The following ST7 variants were observed in gnomAD, a reference collection of about 807,000 sequenced individuals.
The protein encoded by ST7 is suppressor of tumorigenicity 7 protein.
A neutral mutation model predicts 78.7 loss-of-function variants in ST7; 28 were observed. The ratio of observed to expected loss-of-function variants is 0.36; its 90% confidence interval spans 0.26 to 0.49. The LOEUF is 0.49. ST7 is among the 20% of genes least tolerant of loss of function. ST7 has a pLI of 0.99. For missense variants in ST7, 418 were observed against 696.0 expected (o/e 0.60, Z 4.49); for synonymous variants, 247 against 249.6 (o/e 0.99, Z 0.10).
intron 1 of ST7, among the ~76,000 whole-genome samples, chr7:116,982,517 T>C (rs1421966998): frequency 1.3e-5 from 2 of 152,222 alleles, no homozygotes; most frequent in East Asian, 3.9e-4. Context: ...AGACTCCTGC[T>C]TTTCTGTTGT....
chr7:117,189,272 C>A, intron 10 of ST7, 49 bp from the exon 11 acceptor site: 1 of 1,414,252 alleles, frequency 7.1e-7, no homozygotes. Context: ...AATGATTGCT[C>A]TTTGTTACCT....
chr7:117,165,970 G>C (rs968851769), intron 9 of ST7, among the ~76,000 whole-genome samples: 1 of 152,160 alleles, frequency 6.6e-6, no homozygotes, highest in Non-Finnish European at 1.5e-5. Flanking sequence ...AAGGGGCTAC[G>C]TTTGCCATGC....
chr7:117,134,034 AT>A (rs1804579733), intron 6 of ST7, 89 bp from the exon 7 acceptor site: 1 of 1,527,818 alleles, frequency 6.5e-7, no homozygotes, highest in African/African-American at 1.4e-5. Flanking sequence ...CCCCTCTTTG[AT>A]TACCCTGAAC....
intron 10 of ST7, among the ~76,000 whole-genome samples, chr7:117,173,742 T>C (rs1023461313): frequency 6.6e-6 from 1 of 152,172 alleles, no homozygotes. Context: ...TTTTACTAAT[T>C]GGAATGCTCT....
At chr7:117,037,129 T>C (rs1383542756) in intron 1 of ST7, among the ~76,000 whole-genome samples, 1 of 152,196 alleles carries the variant, frequency 6.6e-6, no homozygotes, top group Non-Finnish European at 1.5e-5. Context: ...AGCCACGTTT[T>C]GTGAGGCAGT....
intron 9 of ST7, 70 bp downstream of exon 9, chr7:117,138,602 C>T: frequency 9.0e-7 from 1 of 1,116,154 alleles, no homozygotes; most frequent in Non-Finnish European, 1.3e-6. Flanking sequence ...CCATAGCAGT[C>T]TGTACCAGTG....
intron 1 of ST7, chr7:117,020,346 A>T: frequency 2.1e-6 from 1 of 473,566 alleles, no homozygotes; most frequent in Non-Finnish European, 3.7e-6. Flanking sequence ...TCATTTGCCT[A>T]GTGGATTTTC....
At chr7:116,953,819 C>T (rs1792278158) in intron 1 of ST7, 128 bp downstream of exon 1, 2 of 562,190 alleles carry the variant, frequency 3.6e-6, no homozygotes, top group South Asian at 1.5e-4. Flanking sequence ...CGGAGGCCCG[C>T]GGCTACCCGC....
At chr7:117,220,955 A>C (rs1044641178) in intron 14 of ST7, among the ~76,000 whole-genome samples, 3 of 152,018 alleles carry the variant, frequency 2.0e-5, no homozygotes, top group African/African-American at 4.8e-5. Flanking sequence ...AGGCCTCTAG[A>C]TCTTGTATTC....
chr7:117,092,804 G>T (rs1347400909), intron 1 of ST7, among the ~76,000 whole-genome samples: 1 of 152,164 alleles, frequency 6.6e-6, no homozygotes, highest in African/African-American at 2.4e-5. Context: ...AATCAGAAAT[G>T]TTGCTTTGCA....
At chr7:117,035,498 G>C (rs1268284969) in intron 1 of ST7, among the ~76,000 whole-genome samples, 1 of 152,080 alleles carries the variant, frequency 6.6e-6, no homozygotes, top group Non-Finnish European at 1.5e-5. Flanking sequence ...ATTCTATTTG[G>C]TACATCTAAT....
At position 117,229,787 on chromosome 7, in the gene ST7, T is replaced by C; in HGVS notation, c.1664T>C (p.Leu555Ser). The C allele has an allele frequency of 6.2e-7, 1 of 1,613,650 alleles. No individual in the cohort carries two copies. Among genetic ancestry groups the C allele is most frequent in the Non-Finnish European group, 8.5e-7 (1 of 1,179,956 alleles). The change falls in exon 16 of 16, where the codon TTA becomes TCA. Residue 555 changes from leucine to serine, a missense_variant. Leu to Ser is a moderately radical substitution (Grantham distance 145). Transcript: ENST00000323984. ...KAFLSTLFAPLNFVMEKVESI... is the reference protein window; with the variant it reads ...KAFLSTLFAPSNFVMEKVESI... ...TTCCTCAGCACTTTGTTTGCCCCCTTAAACTTTGTCATGGAGAAAGTGGAG... is the reference window on the plus strand; with the variant it reads ...TTCCTCAGCACTTTGTTTGCCCCCTCAAACTTTGTCATGGAGAAAGTGGAG...
chr7:116,981,274 A>T (rs1472642529), intron 1 of ST7, among the ~76,000 whole-genome samples: 1 of 151,928 alleles, frequency 6.6e-6, no homozygotes, highest in Non-Finnish European at 1.5e-5. Context: ...CACCCAGCTA[A>T]TTTTTTTGTA....
intron 1 of ST7, among the ~76,000 whole-genome samples, chr7:116,984,271 A>G (rs921477857): frequency 2.6e-5 from 4 of 152,216 alleles, no homozygotes; most frequent in Non-Finnish European, 5.9e-5. Context: ...CTCAGCCTCC[A>G]TAACTGCAAG....
chr7:117,054,208 C>G (rs1797943716), intron 1 of ST7, among the ~76,000 whole-genome samples: 1 of 152,180 alleles, frequency 6.6e-6, no homozygotes, highest in South Asian at 2.1e-4. Context: ...ATTTTAAAAT[C>G]TGTGCGCACA....
chr7:117,036,129 G>A (rs954372556), intron 1 of ST7, among the ~76,000 whole-genome samples: 3 of 152,106 alleles, frequency 2.0e-5, no homozygotes, highest in African/African-American at 4.8e-5. Context: ...TAAATCTCCC[G>A]AATTGTTTGG....
intron 1 of ST7, among the ~76,000 whole-genome samples, chr7:117,030,770 C>G (rs1227770966): frequency 6.6e-6 from 1 of 152,160 alleles, no homozygotes; most frequent in Non-Finnish European, 1.5e-5. Context: ...TTGTGGAAAG[C>G]AGTGTGGCAA....
chr7:117,018,698 C>T (rs1015082351), intron 1 of ST7, among the ~76,000 whole-genome samples: 4 of 152,110 alleles, frequency 2.6e-5, no homozygotes, highest in African/African-American at 9.7e-5. Context: ...AACCATCTGT[C>T]AAATGTGGAT....
intron 1 of ST7, among the ~76,000 whole-genome samples, chr7:117,004,531 G>C (rs981866974): frequency 4.6e-5 from 7 of 152,130 alleles, no homozygotes; most frequent in African/African-American, 1.7e-4. Context: ...TGTGGTGGCA[G>C]ATGCCTGTAG....
Sources: gnomAD v4.1 joint callset for allele counts (sites outside exome capture counted in the v4.1 genomes callset) on GRCh38, gnomAD v4.1.1 for gene constraint, MANE v1.5 for transcripts, NCBI Gene and HGNC (gene_info 2026-07-23, HGNC 2026-07-21) for gene names.